The following NRXN1 variants were observed in gnomAD, a reference collection of about 807,000 sequenced individuals.
The protein encoded by NRXN1 is neurexin-1.
In NRXN1, 39 loss-of-function variants were observed where a neutral mutation model predicts 150.9. The ratio of observed to expected loss-of-function variants is 0.26; its 90% confidence interval spans 0.20 to 0.34. NRXN1 has a LOEUF of 0.34. Ranked by LOEUF, NRXN1 falls within the 10% of genes least tolerant of loss-of-function variation. The pLI is 1.00. For synonymous variants in NRXN1, 924 were observed against 757.0 expected (o/e 1.22, Z -3.62); for missense variants, 1,815 against 1,949.9 (o/e 0.93, Z 1.30).
At chr2:50,123,012 A>G (rs1179781078) in intron 18 of NRXN1, among the ~76,000 whole-genome samples, 1 of 152,216 alleles carries the variant, frequency 6.6e-6, no homozygotes, top group Non-Finnish European at 1.5e-5. Flanking sequence ...TAAAGTATCT[A>G]TAATACTCAA....
At chr2:50,841,715 G>GA (rs906699929) in intron 5 of NRXN1, among the ~76,000 whole-genome samples, 9 of 151,970 alleles carry the variant, frequency 5.9e-5, no homozygotes, top group South Asian at 2.1e-4. Flanking sequence ...ATGTCTTTGG[G>GA]AAAAAAAATT....
chr2:50,478,084 G>A (rs2090138176), intron 15 of NRXN1, among the ~76,000 whole-genome samples: 4 of 152,094 alleles, frequency 2.6e-5, no homozygotes, highest in Admixed American at 2.6e-4. Flanking sequence ...AGGAATATCT[G>A]TAGGTCAGAC....
chr2:50,514,492 G>A (rs754213460), intron 12 of NRXN1, among the ~76,000 whole-genome samples: 2 of 152,114 alleles, frequency 1.3e-5, no homozygotes, highest in African/African-American at 4.8e-5. Flanking sequence ...ACCGATCTCA[G>A]CATTGGGAAT....
intron 5 of NRXN1, among the ~76,000 whole-genome samples, chr2:50,706,142 T>C (rs1694403624): frequency 6.6e-6 from 1 of 152,314 alleles, no homozygotes; most frequent in East Asian, 1.9e-4. Flanking sequence ...CTCTTAATCA[T>C]GTAGCTATTT....
intron 17 of NRXN1, among the ~76,000 whole-genome samples, chr2:50,304,172 G>T (rs1401999236): frequency 6.6e-6 from 1 of 152,114 alleles, no homozygotes; most frequent in Non-Finnish European, 1.5e-5. Context: ...GTATTCTTTT[G>T]GTTATCTATT....
chr2:50,445,816 G>C (rs2086351930), intron 17 of NRXN1, among the ~76,000 whole-genome samples: 1 of 152,064 alleles, frequency 6.6e-6, no homozygotes, highest in African/African-American at 2.4e-5. Context: ...TTCTACCTAG[G>C]GATTGGAAAG....
intron 5 of NRXN1, among the ~76,000 whole-genome samples, chr2:50,840,448 G>A (rs1160026011): frequency 6.6e-6 from 1 of 152,046 alleles, no homozygotes; most frequent in Non-Finnish European, 1.5e-5. Context: ...CCGCTGAGAC[G>A]AACATCTTTA....
chr2:50,265,675 C>T (rs1354461906), intron 17 of NRXN1, among the ~76,000 whole-genome samples: 4 of 152,114 alleles, frequency 2.6e-5, no homozygotes, highest in African/African-American at 4.8e-5. Flanking sequence ...TACCAATTTA[C>T]TTTATCAAGT....
At chr2:50,446,993 T>C (rs1321372943) in intron 17 of NRXN1, among the ~76,000 whole-genome samples, 6 of 152,124 alleles carry the variant, frequency 3.9e-5, no homozygotes, top group African/African-American at 1.4e-4. Flanking sequence ...TTTATCTTCT[T>C]GTTAAATAAA....
intron 5 of NRXN1, among the ~76,000 whole-genome samples, chr2:50,669,755 A>G (rs989740877): frequency 1.3e-5 from 2 of 151,614 alleles, no homozygotes; most frequent in African/African-American, 4.8e-5. Context: ...TGAGACAAAA[A>G]TTGTGATTTT....
At chr2:50,320,283 C>CATATACATATATAT (rs2075921306) in intron 17 of NRXN1, among the ~76,000 whole-genome samples, 1 of 43,040 alleles carries the variant, frequency 2.3e-5, no homozygotes, top group African/African-American at 5.9e-5. Flanking sequence ...ATACCTCAAT[C>CATATACATATATAT]ATATATATAT....
intron 22 of NRXN1, among the ~76,000 whole-genome samples, chr2:49,936,206 T>G (rs1034496976): frequency 2.0e-5 from 3 of 152,240 alleles, no homozygotes; most frequent in African/African-American, 7.2e-5. Context: ...CTCACTTATA[T>G]GCTAAGTAAT....
chr2:50,352,537 T>G (rs918876122), intron 17 of NRXN1, among the ~76,000 whole-genome samples: 9 of 151,878 alleles, frequency 5.9e-5, no homozygotes, highest in African/African-American at 2.2e-4. Context: ...TCTTGCATTT[T>G]GCATTTCTAC....
chr2:50,639,040 G>T (rs543446249), intron 5 of NRXN1, among the ~76,000 whole-genome samples: 1 of 151,694 alleles, frequency 6.6e-6, no homozygotes, highest in East Asian at 1.9e-4. Flanking sequence ...AAACACAAAC[G>T]TTATTCAACC....
chr2:50,021,028 G>A (rs1375758997), intron 21 of NRXN1, among the ~76,000 whole-genome samples: 3 of 152,134 alleles, frequency 2.0e-5, no homozygotes. Flanking sequence ...CTAGTCATTA[G>A]GTAGGGAAGG....
chr2:50,857,803 C>T (rs1201991469), intron 5 of NRXN1, among the ~76,000 whole-genome samples: 2 of 142,432 alleles, frequency 1.4e-5, no homozygotes, highest in Non-Finnish European at 3.2e-5. Context: ...CATAAAAGGC[C>T]TAATCAAAAT....
chr2:50,277,871 C>A (rs1042008841), intron 17 of NRXN1, among the ~76,000 whole-genome samples: 1 of 151,752 alleles, frequency 6.6e-6, no homozygotes, highest in Admixed American at 6.6e-5. Context: ...ATACAATCTA[C>A]CTTGATCAGA....
intron 18 of NRXN1, among the ~76,000 whole-genome samples, chr2:50,227,114 C>A (rs2064457844): frequency 1.3e-5 from 2 of 149,710 alleles, no homozygotes; most frequent in Non-Finnish European, 3.0e-5. Flanking sequence ...CAAATTTTGT[C>A]TGCTTCATAA....
chr2:50,683,358 C>T (rs976417435), intron 5 of NRXN1, among the ~76,000 whole-genome samples: 3 of 151,392 alleles, frequency 2.0e-5, no homozygotes, highest in East Asian at 4.0e-4. Flanking sequence ...ACAGGCCAGG[C>T]GCAGTGGCTT....
Sources: allele counts gnomAD v4.1 joint callset (sites outside exome capture counted in the v4.1 genomes callset), GRCh38; gene constraint gnomAD v4.1.1; transcripts MANE v1.5; gene names NCBI Gene and HGNC (gene_info 2026-07-23, HGNC 2026-07-21).